Variants in CENPI observed in about 807,000 individuals in gnomAD.
CENPI encodes the protein FSH primary response 1.
CENPI carries 4 observed loss-of-function variants against 60.4 expected under a neutral mutation model. That is an observed-to-expected ratio of 0.07 (90% CI 0.03 to 0.15). The LOEUF is 0.15. Among genes scored for constraint, CENPI ranks in the 10% least tolerant of loss-of-function variants. The pLI is 1.00. For synonymous variants in CENPI, 157 were observed against 189.4 expected, an observed-to-expected ratio of 0.83 and a Z score of 1.40; for missense variants, 444 against 534.5, an observed-to-expected ratio of 0.83 and a Z score of 1.67.
At chrX:101,171,110 G>A (rs1018106897), downstream of CENPI, among the ~76,000 whole-genome samples, 3 of 111,696 alleles carry the variant, frequency 2.7e-5, no homozygotes, top group Admixed American at 2.9e-4. Context: ...AGTCTACAGC[G>A]CTATATTAAT....
At chrX:101,175,800 TTTCTA>T in the CENPI span, among the ~76,000 whole-genome samples, 1 of 111,898 alleles carries the variant, frequency 8.9e-6, no homozygotes, top group Admixed American at 9.5e-5. Flanking sequence ...GTTGGAAACA[TTTCTA>T]TTCTAGCTAT....
chrX:101,141,778 C>T (rs1327537437), intron 16 of CENPI, among the ~76,000 whole-genome samples: 1 of 111,059 alleles, frequency 9.0e-6, no homozygotes, highest in Non-Finnish European at 1.9e-5. Flanking sequence ...GCTCTGTCTC[C>T]CAGGAGTACA....
At chrX:101,156,858 T>G (rs1481239349) in intron 20 of CENPI, among the ~76,000 whole-genome samples, 1 of 104,259 alleles carries the variant, frequency 9.6e-6, no homozygotes. Context: ...GAGTAGTATT[T>G]CATCGTATAT....
chrX:101,138,255 T>C (rs1381181595), intron 15 of CENPI, among the ~76,000 whole-genome samples: 1 of 108,783 alleles, frequency 9.2e-6, no homozygotes, highest in Non-Finnish European at 1.9e-5. Context: ...CCCGAAGTTC[T>C]GGGATTACAA....
At chrX:101,149,407 TG>T (rs1410056296) in intron 20 of CENPI, among the ~76,000 whole-genome samples, 2 of 111,103 alleles carry the variant, frequency 1.8e-5, no homozygotes, top group East Asian at 2.8e-4. Flanking sequence ...CTGAACTCTG[TG>T]TTAGAGCCTG....
intron 6 of CENPI, among the ~76,000 whole-genome samples, chrX:101,113,422 G>A (rs1232704360): frequency 9.2e-6 from 1 of 108,406 alleles, no homozygotes. Context: ...CTGTCTCCTG[G>A]GTTCAAGCCT....
intron 8 of CENPI, among the ~76,000 whole-genome samples, chrX:101,125,764 C>A (rs565576636): frequency 9.0e-6 from 1 of 111,365 alleles, no homozygotes; most frequent in Non-Finnish European, 1.9e-5. Context: ...ATCATATGTT[C>A]GATATGCCAT....
downstream of CENPI, among the ~76,000 whole-genome samples, chrX:101,167,421 G>A (rs2090147203): frequency 8.9e-6 from 1 of 111,745 alleles, no homozygotes; most frequent in African/African-American, 3.3e-5. Context: ...GCAACTTACT[G>A]TTACCTCGGG....
intron 20 of CENPI, among the ~76,000 whole-genome samples, chrX:101,157,147 G>A (rs999618238): frequency 5.4e-4 from 60 of 111,442 alleles, no homozygotes; most frequent in African/African-American, 1.9e-3. Flanking sequence ...CCTTTTCACC[G>A]CATCCACGCC....
intron 4 of CENPI, 102 bp from the exon 5 acceptor site, chrX:101,109,371 G>A (rs892648447): frequency 6.2e-6 from 4 of 643,364 alleles, no homozygotes; most frequent in South Asian, 2.6e-5. Flanking sequence ...ATGAGCTGCC[G>A]CGCCCAGCCT....
chrX:101,159,956 G>A (rs2090092258), intron 20 of CENPI, among the ~76,000 whole-genome samples: 1 of 112,417 alleles, frequency 8.9e-6, no homozygotes, highest in African/African-American at 3.2e-5. Context: ...TAGTCAGTTG[G>A]GGCTTGGTGT....
chrX:101,120,543 A>AT, intron 7 of CENPI, 93 bp downstream of exon 7: 1 of 600,534 alleles, frequency 1.7e-6, no homozygotes, highest in Non-Finnish European at 2.7e-6. Flanking sequence ...CATTAGTTAT[A>AT]TGACAGAAGT....
chrX:101,127,438 A>C, intron 10 of CENPI, 60 bp from the exon 11 acceptor site: 1 of 1,019,685 alleles, frequency 9.8e-7, no homozygotes, highest in Non-Finnish European at 1.3e-6. Flanking sequence ...AGTTGCTTTT[A>C]TATTTGTGGT....
the CENPI span, among the ~76,000 whole-genome samples, chrX:101,179,804 G>A: frequency 5.3e-5 from 6 of 112,804 alleles, no homozygotes; most frequent in African/African-American, 1.9e-4. Flanking sequence ...ACAGGCGTGA[G>A]CCACTGCACC....
chrX:101,161,476 C>T, intron 20 of CENPI, 52 bp from the exon 21 acceptor site: 1 of 1,085,993 alleles, frequency 9.2e-7, no homozygotes, highest in South Asian at 1.9e-5. Context: ...CCATATCTCC[C>T]CACTTCTTTT....
At chrX:101,116,259 C>T (rs764981390) in intron 6 of CENPI, among the ~76,000 whole-genome samples, 1 of 110,800 alleles carries the variant, frequency 9.0e-6, no homozygotes, top group South Asian at 3.8e-4. Flanking sequence ...AGGCCCAACG[C>T]AAATTCATAA....
At chrX:101,133,075 T>C (rs1340906634) in intron 15 of CENPI, among the ~76,000 whole-genome samples, 4 of 111,002 alleles carry the variant, frequency 3.6e-5, no homozygotes, top group African/African-American at 1.3e-4. Context: ...AAGTAATTTT[T>C]CTTTTATAAC....
rs2089575885 is a variant in CENPI, at chrX:101,113,264, T to C, written c.591+3266T>C. Among the ~76,000 whole-genome samples, 6 of 104,906 alleles carry C rather than the reference T, an allele frequency of 5.7e-5. No homozygotes were observed. The South Asian group carries it at 2.6e-3, about 45-fold the overall frequency. 91.1% of individuals were successfully genotyped at this position (104,906 alleles called of 115,157 possible). On this transcript the variant is annotated intron_variant, in intron 6 of 21. Transcript: ENST00000682095. ...TTGTTGTCTGGTTTTAGTTTTACCT[T>C]GTTTTTCTCCATCCCTTTACACACA...
downstream of CENPI, among the ~76,000 whole-genome samples, chrX:101,167,515 A>T (rs993813528): frequency 7.2e-5 from 8 of 111,610 alleles, no homozygotes; most frequent in Non-Finnish European, 1.1e-4. Flanking sequence ...TCATTTTTGC[A>T]TTTATAATCA....
Sources: allele counts gnomAD v4.1 joint callset (sites outside exome capture counted in the v4.1 genomes callset), GRCh38; gene constraint gnomAD v4.1.1; transcripts MANE v1.5; gene names NCBI Gene and HGNC (gene_info 2026-07-23, HGNC 2026-07-21).